GRIP1: variants seen among roughly 807,000 people sequenced by gnomAD.
GRIP1 encodes the protein glutamate receptor interacting protein 1, also known as glutamate receptor-interacting protein 1.
A neutral mutation model predicts 129.9 loss-of-function variants in GRIP1; 45 were observed. The ratio of observed to expected loss-of-function variants is 0.35; its 90% confidence interval spans 0.27 to 0.44. GRIP1 has a LOEUF of 0.44. Among genes scored for constraint, GRIP1 ranks in the 20% least tolerant of loss-of-function variants. The pLI is 1.00. For synonymous variants in GRIP1, 530 were observed against 520.8 expected (o/e 1.02, Z -0.24); for missense variants, 1,196 against 1,396.8 (o/e 0.86, Z 2.29).
chr12:66,739,307 G>A (rs1024774146), intron 1 of GRIP1, among the ~76,000 whole-genome samples: 8 of 152,016 alleles, frequency 5.3e-5, no homozygotes, highest in African/African-American at 1.9e-4. Context: ...AAAGACTGAG[G>A]CTTAGAAGGC....
At chr12:66,879,120 G>A (rs893525570) in intron 1 of GRIP1, among the ~76,000 whole-genome samples, 1 of 151,978 alleles carries the variant, frequency 6.6e-6, no homozygotes, top group African/African-American at 2.4e-5. Flanking sequence ...CATGAAAGGA[G>A]GGAAGGAAAG....
At chr12:66,576,683 G>A (rs1173364805) in intron 2 of GRIP1, among the ~76,000 whole-genome samples, 4 of 152,170 alleles carry the variant, frequency 2.6e-5, no homozygotes, top group African/African-American at 9.7e-5. Context: ...AGACTGACAT[G>A]ATTTTTGGTA....
At chr12:66,725,527 G>A (rs183692548) in intron 1 of GRIP1, among the ~76,000 whole-genome samples, 49 of 152,070 alleles carry the variant, frequency 3.2e-4, no homozygotes, top group Non-Finnish European at 6.0e-4. Flanking sequence ...TACAAAATGA[G>A]ATTTTTTTCT....
intron 7 of GRIP1, among the ~76,000 whole-genome samples, chr12:66,477,433 C>T (rs1165200622): frequency 5.9e-5 from 9 of 151,704 alleles, no homozygotes; most frequent in African/African-American, 1.2e-4. Context: ...GAATCAATAC[C>T]GTGAAAATGG....
At chr12:66,576,642 AGG>A (rs1456338624) in intron 2 of GRIP1, among the ~76,000 whole-genome samples, 1 of 152,208 alleles carries the variant, frequency 6.6e-6, no homozygotes, top group Non-Finnish European at 1.5e-5. Context: ...TCCACAAAAG[AGG>A]GATAACACCT....
chr12:66,527,686 TA>T (rs1259918001), intron 5 of GRIP1, among the ~76,000 whole-genome samples: 16 of 151,408 alleles, frequency 1.1e-4, no homozygotes, highest in African/African-American at 1.5e-4. Flanking sequence ...ATAACAAAAT[TA>T]AAAAAAAATT....
chr12:66,367,652 A>C (rs1351688661), intron 23 of GRIP1, among the ~76,000 whole-genome samples: 1 of 152,224 alleles, frequency 6.6e-6, no homozygotes, highest in Non-Finnish European at 1.5e-5. Context: ...CAGAAGAAAA[A>C]TCAGAAAAAT....
chr12:66,910,797 T>C (rs1375653495), intron 1 of GRIP1, among the ~76,000 whole-genome samples: 2 of 152,148 alleles, frequency 1.3e-5, no homozygotes, highest in Non-Finnish European at 2.9e-5. Flanking sequence ...TAGAAGTTCT[T>C]CAAAGGTGCT....
At chr12:66,753,806 T>G (rs1025469406) in intron 1 of GRIP1, among the ~76,000 whole-genome samples, 1 of 152,200 alleles carries the variant, frequency 6.6e-6, no homozygotes, top group African/African-American at 2.4e-5. Context: ...ACTCAATGAA[T>G]GTTTACTGAA....
chr12:66,557,496 T>C (rs1592545697), intron 2 of GRIP1, among the ~76,000 whole-genome samples: 1 of 152,326 alleles, frequency 6.6e-6, no homozygotes, highest in African/African-American at 2.4e-5. Flanking sequence ...CGGAACATTT[T>C]ATTCAACAGT....
chr12:66,992,555 T>C (rs576142867), intron 1 of GRIP1, among the ~76,000 whole-genome samples: 1 of 152,258 alleles, frequency 6.6e-6, no homozygotes, highest in East Asian at 1.9e-4. Flanking sequence ...TGCTATCAAC[T>C]AACTAGACCT....
At chr12:66,867,042 G>A (rs1184262002) in intron 1 of GRIP1, among the ~76,000 whole-genome samples, 1 of 152,136 alleles carries the variant, frequency 6.6e-6, no homozygotes, top group Non-Finnish European at 1.5e-5. Context: ...AGGCTGGAGT[G>A]CAGTGGCACA....
chr12:66,913,525 A>C (rs1294858458), intron 1 of GRIP1, among the ~76,000 whole-genome samples: 1 of 152,186 alleles, frequency 6.6e-6, no homozygotes, highest in Non-Finnish European at 1.5e-5. Flanking sequence ...TAACCTTAAA[A>C]CATTCTCCCA....
chr12:66,889,955 G>T (rs566650665), intron 1 of GRIP1, among the ~76,000 whole-genome samples: 38 of 151,764 alleles, frequency 2.5e-4, no homozygotes, highest in Non-Finnish European at 5.4e-4. Context: ...TATCTTACAG[G>T]GTCTCACTTT....
intron 2 of GRIP1, among the ~76,000 whole-genome samples, chr12:66,596,424 C>T (rs192072190): frequency 8.3e-4 from 126 of 152,238 alleles, no homozygotes; most frequent in African/African-American, 2.9e-3. Flanking sequence ...AACTCAGGTT[C>T]AAAGAGATGA....
intron 1 of GRIP1, among the ~76,000 whole-genome samples, chr12:66,719,377 C>T (rs990394080): frequency 6.6e-6 from 1 of 152,136 alleles, no homozygotes. Flanking sequence ...GATCTTCCAT[C>T]CCTCCTCAGG....
chr12:66,963,930 T>C (rs2041959241), intron 1 of GRIP1, among the ~76,000 whole-genome samples: 1 of 152,146 alleles, frequency 6.6e-6, no homozygotes, highest in South Asian at 2.1e-4. Flanking sequence ...AATAACCCTA[T>C]CTTTCTGTCA....
At chr12:66,472,581 C>A (rs1460127761) in intron 7 of GRIP1, among the ~76,000 whole-genome samples, 1 of 152,154 alleles carries the variant, frequency 6.6e-6, no homozygotes, top group East Asian at 1.9e-4. Context: ...GCAGCAAGAT[C>A]AACACAGAAG....
chr12:66,834,898 T>G (rs2039583546), intron 1 of GRIP1, among the ~76,000 whole-genome samples: 1 of 114,960 alleles, frequency 8.7e-6, no homozygotes, highest in East Asian at 3.0e-4. Flanking sequence ...CCAGCCTGGG[T>G]GACACAGCAT....
Sources: gnomAD v4.1 joint callset for allele counts (sites outside exome capture counted in the v4.1 genomes callset) on GRCh38, gnomAD v4.1.1 for gene constraint, MANE v1.5 for transcripts, NCBI Gene and HGNC (gene_info 2026-07-23, HGNC 2026-07-21) for gene names.